The following MYRF variants were observed in gnomAD, a reference collection of about 807,000 sequenced individuals.
MYRF encodes the protein myelin regulatory factor.
A neutral mutation model predicts 126.3 loss-of-function variants in MYRF; 16 were observed. The ratio of observed to expected loss-of-function variants is 0.13; its 90% CI spans 0.09 to 0.19. The LOEUF (loss-of-function observed/expected upper bound fraction) is 0.19, where lower values mean the gene tolerates loss of function less well. Among genes scored for constraint, MYRF ranks in the 10% least tolerant of loss-of-function variants. MYRF has a pLI of 1.00. For missense variants in MYRF, 1,104 were observed against 1,547.0 expected (o/e 0.71, Z 4.80); for synonymous variants, 608 against 635.3 (o/e 0.96, Z 0.65).
At chr11:61,764,985 G>T (rs2066013701) in intron 1 of MYRF, among the ~76,000 whole-genome samples, 1 of 152,238 alleles carries the variant, frequency 6.6e-6, no homozygotes, top group Admixed American at 6.5e-5. Flanking sequence ...TATCCAATGA[G>T]GGTGCAGGGA....
chr11:61,786,227 A>AGCCC lies in MYRF; in HGVS notation c.*87_*90dup. The AGCCC allele has an allele frequency of 2.3e-6, 3 of 1,302,166 alleles. No homozygotes were observed. The Admixed American group carries it at 5.3e-5, about 23-fold the overall frequency. The allele number at this position is 1,302,166 out of a possible 1,614,324, so 80.7% of individuals were successfully genotyped here. A position where few individuals can be genotyped will look rare whatever the true frequency, so the allele number is the denominator to read the frequency against. On this transcript the variant is annotated 3_prime_UTR_variant, in exon 27 of 27. Transcript: ENST00000278836. This position sits in a 1 kb window ranked among gnomAD's most constrained non-coding sequence, Gnocchi z 4.5. ...ACTGGATGCAATGGTGTTACACTGG[A>AGCCC]GCCCGCTGCAGGCCAGCTCTGCTGT...
At position 61,779,854 on chromosome 11, in the gene MYRF, G is replaced by A. The variant is rs774194963; in HGVS notation, c.2260G>A (p.Val754Ile). 19 of 1,613,914 alleles carry A rather than the reference G, an allele frequency of 1.2e-5. No homozygotes were observed. In the South Asian group the frequency reaches 1.2e-4, roughly 10 times the overall value. Residue 754 changes from valine (V) to isoleucine (I), a missense_variant, in exon 17 of 27, where the codon GTT becomes ATT. Transcript: ENST00000278836. ...TCTTGGTCCTCAGTCATCGTCCGTG[G>A]TTCCGGACCAGGCCTGCATCAGCCA... Reference protein sequence around the residue: ...PKVASKSSSVVPDQACISQRF... With the variant: ...PKVASKSSSVIPDQACISQRF...
Position 61,757,545 on chromosome 11 carries a change from T to G in MYRF, c.46+4755T>G. The G allele has an allele frequency of 2.2e-6, 1 of 456,602 alleles. No homozygotes were observed. The highest frequency in any genetic ancestry group is 4.4e-6 in the Non-Finnish European group (1 of 226,914). 28.3% of individuals were successfully genotyped at this position (456,602 alleles called of 1,614,324 possible). ...GTGCCCCTAAGCTTAGGGGGCTTGT[T>G]GAGCATGTTCTGTGGTTCTGTGTGC... On this transcript the variant is annotated intron_variant, in intron 1 of 26. Coordinates refer to ENST00000278836, the MANE Select transcript of MYRF (RefSeq NM_001127392.3). This position sits in a 1 kb window ranked among gnomAD's most constrained non-coding sequence, Gnocchi z 4.7.
intron 3 of MYRF, chr11:61,766,929 T>C: frequency 2.2e-6 from 1 of 445,278 alleles, no homozygotes; most frequent in South Asian, 1.6e-5. Flanking sequence ...ACTAGGTGCA[T>C]GAACTCTGTG....
intron 1 of MYRF, chr11:61,755,680 A>C (rs919613020): frequency 5.7e-6 from 4 of 702,900 alleles, no homozygotes; most frequent in Non-Finnish European, 1.0e-5. Flanking sequence ...AGCTCTGAAG[A>C]AGCTCACTGC....
chr11:61,781,714 A>G lies in MYRF; in HGVS notation c.2906A>G (p.Gln969Arg). The G allele has an allele frequency of 6.2e-7, 1 of 1,613,406 alleles. No individual in the cohort carries two copies. The highest frequency in any genetic ancestry group is 8.5e-7 in the Non-Finnish European group (1 of 1,180,012). ...ASPAVPFPGG[Q>R]GKAKNSPSLG... is the part of the protein sequence containing the mutation. The stretch of plus-strand genomic sequence containing the variant: ...CCTGCAGTCCCCTTCCCTGGGGGGC[A>G]GGGCAAAGCCAAGAACAGTCCCAGC... The change falls in exon 22 of 27, where the codon CAG becomes CGG. Residue 969 changes from glutamine to arginine, a missense_variant. By Grantham distance (43) the Gln-to-Arg change is conservative. Around this residue, in one of 10 missense-constraint regions of MYRF, gnomAD observed 323 missense variants for 383.1 expected, o/e 0.84. Transcript: ENST00000278836.
intron 1 of MYRF, chr11:61,755,540 T>C: frequency 7.0e-7 from 1 of 1,434,876 alleles, no homozygotes; most frequent in Non-Finnish European, 9.7e-7. Context: ...CTCAGAGTTC[T>C]GGTGCAGGCT....
At chr11:61,752,841 G>T in intron 1 of MYRF, 51 bp downstream of exon 1, 1 of 1,456,242 alleles carries the variant, frequency 6.9e-7, no homozygotes, top group Non-Finnish European at 9.1e-7. Flanking sequence ...GGGAACCCCC[G>T]GCTGATCTCC....
At chr11:61,773,474 G>A (rs920222063) in intron 7 of MYRF, among the ~76,000 whole-genome samples, 2 of 152,224 alleles carry the variant, frequency 1.3e-5, no homozygotes, top group Non-Finnish European at 2.9e-5. Context: ...CTGGGGGCTT[G>A]AGCAAGCCGG....
intron 3 of MYRF, among the ~76,000 whole-genome samples, chr11:61,767,846 G>A (rs1180679592): frequency 6.7e-6 from 1 of 149,560 alleles, no homozygotes; most frequent in African/African-American, 2.5e-5. Context: ...GGCCAGGTGC[G>A]GTGGCTCATG....
At position 61,752,691 on chromosome 11, in the gene MYRF, C is replaced by G. The variant is rs1339273341; in HGVS notation, c.-54C>G. 8.7e-6 allele frequency: 11 copies of G among 1,258,418 alleles called. No individual in the cohort carries two copies. Among genetic ancestry groups the G allele is most frequent in the African/African-American group, 1.6e-5 (1 of 64,026 alleles). The allele number at this position is 1,258,418 out of a possible 1,614,324, so 78.0% of individuals were successfully genotyped here. A position where few individuals can be genotyped will look rare whatever the true frequency, so the allele number is the denominator to read the frequency against. On this transcript the variant is annotated 5_prime_UTR_variant, in exon 1 of 27. Transcript: ENST00000278836. ...GGGCCGCGCCGGCGATGCCGCGCCC[C>G]CGGGCCGGGCTGTAGCGGGGCCGCG...
chr11:61,754,114 T>G, intron 1 of MYRF: 1 of 152,552 alleles, frequency 6.6e-6, no homozygotes, highest in East Asian at 1.9e-4. Flanking sequence ...CCCAGATTCC[T>G]GTGGAGTCCT....
rs867291974 is a variant in MYRF at position 61,757,531 on chromosome 11, C to T, written c.46+4741C>T. On this transcript the variant is annotated intron_variant, in intron 1 of 26. Coordinates refer to ENST00000278836, the MANE Select transcript of MYRF (RefSeq NM_001127392.3). The surrounding 1 kb of genome is among the most constrained non-coding windows in gnomAD (Gnocchi z 4.7). ...CCCAGGGTAGGTCAGTGCCCCTAAG[C>T]TTAGGGGGCTTGTTGAGCATGTTCT... 1 of 456,414 alleles carries T rather than the reference C, an allele frequency of 2.2e-6. No homozygotes were observed. The highest frequency in any genetic ancestry group is 1.5e-5 in the South Asian group (1 of 64,560). The allele number at this position is 456,414 out of a possible 1,614,324, so 28.3% of individuals were successfully genotyped here.
At chr11:61,763,181 A>G (rs1429411657) in intron 1 of MYRF, among the ~76,000 whole-genome samples, 1 of 152,076 alleles carries the variant, frequency 6.6e-6, no homozygotes, top group African/African-American at 2.4e-5. Context: ...AGGCACAGCA[A>G]CCGCCAGTCA....
At chr11:61,762,749 G>T (rs2065934055) in intron 1 of MYRF, among the ~76,000 whole-genome samples, 1 of 152,200 alleles carries the variant, frequency 6.6e-6, no homozygotes, top group African/African-American at 2.4e-5. Flanking sequence ...GCTTCCAGGA[G>T]AAGGTGTGGG....
intron 3 of MYRF, chr11:61,766,423 GC>G: frequency 1.8e-6 from 1 of 543,594 alleles, no homozygotes; most frequent in South Asian, 3.3e-5. Context: ...GCAGTGGGCA[GC>G]CACAAAGCTT....
At chr11:61,766,776 G>A (rs2066073933) in intron 3 of MYRF, 1 of 332,914 alleles carries the variant, frequency 3.0e-6, no homozygotes, top group Non-Finnish European at 5.9e-6. Context: ...TTGACCAAAG[G>A]TTCCAGGCAG....
At chr11:61,767,268 G>A (rs1228059694) in intron 3 of MYRF, 1 of 456,646 alleles carries the variant, frequency 2.2e-6, no homozygotes, top group Non-Finnish European at 4.4e-6. Context: ...GGGGCAGAGG[G>A]AGGAGAACTA....
rs1195333623 is a variant in MYRF, at chr11:61,778,923, A to G, written c.2014-340A>G. ...CCCAGCTGAATAGTGAAGTGCTGAC[A>G]TCTGAGACACCAGTCATCCGAGGGG... On this transcript the variant is annotated intron_variant, in intron 14 of 26. Transcript: ENST00000278836. The surrounding 1 kb of genome is among the most constrained non-coding windows in gnomAD (Gnocchi z 4.6). The G allele has an allele frequency of 1.7e-6, 1 of 583,520 alleles. No homozygotes were observed. Among genetic ancestry groups the G allele is most frequent in the Non-Finnish European group, 3.2e-6 (1 of 309,212 alleles). 36.1% of individuals were successfully genotyped at this position (583,520 alleles called of 1,614,324 possible).
Sources: gnomAD v4.1 joint callset for allele counts (sites outside exome capture counted in the v4.1 genomes callset) on GRCh38, gnomAD v4.1.1 for gene constraint, gnomAD v4.1.1 regional missense constraint, Gnocchi (gnomAD v3.1) non-coding constraint, MANE v1.5 for transcripts, NCBI Gene and HGNC (gene_info 2026-07-23, HGNC 2026-07-21) for gene names.